The following SERPINB8 variants were observed in gnomAD, a reference collection of about 807,000 sequenced individuals.
SERPINB8 encodes serpin family B member 8, also known as serpin B8.
A neutral mutation model predicts 35.3 loss-of-function variants in SERPINB8; 25 were observed. The ratio of observed to expected loss-of-function variants is 0.71; its 90% confidence interval spans 0.52 to 0.99. SERPINB8 has a LOEUF of 0.99. Ranked by LOEUF, SERPINB8 falls within the 50% of genes least tolerant of loss-of-function variation. The probability of loss-of-function intolerance (pLI) is 0.00; values close to 1 mark genes in which losing one functional copy is unlikely to be tolerated. For synonymous variants in SERPINB8, 186 were observed against 160.8 expected (o/e 1.16, Z -1.19); for missense variants, 484 against 446.5 (o/e 1.08, Z -0.76).
intron 7 of SERPINB8, among the ~76,000 whole-genome samples, chr18:64,017,186 G>A (rs926718101): frequency 1.4e-4 from 21 of 152,138 alleles, no homozygotes; most frequent in Non-Finnish European, 2.6e-4. Context: ...GGTGACGTGA[G>A]GACATTTGAG....
chr18:63,986,942 G>A lies in SERPINB8; in HGVS notation c.789G>A (p.Lys263=), dbSNP rs779631062. 5 of 1,613,968 alleles carry A rather than the reference G, an allele frequency of 3.1e-6. No homozygotes were observed. The African/African-American group carries it at 6.7e-5, about 22-fold the overall frequency. ...ATTCAGAAAAGTTGACAAAAAGTAA[G>A]GTTCAAGTTTTCCTTCCCAGATTAA... ...WTNSEKLTKS[K]VQVFLPRLKL... is the part of the protein sequence containing the mutation. The change falls in exon 7 of 7, where the codon AAG becomes AAA. Residue 263 remains lysine, a synonymous_variant. Coordinates refer to ENST00000397985, the MANE Select transcript of SERPINB8 (RefSeq NM_002640.4).
downstream of SERPINB8, among the ~76,000 whole-genome samples, chr18:63,992,857 C>T (rs761416868): frequency 9.9e-5 from 15 of 151,762 alleles, no homozygotes; most frequent in Non-Finnish European, 1.5e-4. Flanking sequence ...GGGTGATTGT[C>T]GGGTAATTGT....
downstream of SERPINB8, among the ~76,000 whole-genome samples, chr18:63,993,937 G>A (rs140242273): frequency 3.9e-5 from 6 of 152,236 alleles, no homozygotes; most frequent in African/African-American, 7.2e-5. Flanking sequence ...AGAGGCCTTC[G>A]CTGAGACACT....
At chr18:64,018,780 C>T (rs1000401719) in intron 7 of SERPINB8, 17 of 152,214 alleles carry the variant, frequency 1.1e-4, no homozygotes, top group Admixed American at 4.6e-4. Context: ...GTTTATTAGA[C>T]ACACCTTGAT....
At chr18:63,995,125 G>A (rs1320874361) in intron 1 of SERPINB8, among the ~76,000 whole-genome samples, 1 of 152,140 alleles carries the variant, frequency 6.6e-6, no homozygotes. Flanking sequence ...AGCTCACGAG[G>A]GTTTGCATGG....
intron 1 of SERPINB8, among the ~76,000 whole-genome samples, chr18:64,001,541 A>T (rs2050875075): frequency 6.6e-6 from 1 of 151,844 alleles, no homozygotes; most frequent in African/African-American, 2.4e-5. Flanking sequence ...CCCAGGCTGG[A>T]GTGCAATGGA....
Position 63,978,408 on chromosome 18 carries a change from A to G in SERPINB8, c.100A>G (p.Ser34Gly). The change falls in exon 2 of 7, where the codon AGC (serine) becomes GGC (glycine). Residue 34 changes from serine to glycine, a missense_variant. Coordinates refer to ENST00000397985, the MANE Select transcript of SERPINB8 (RefSeq NM_002640.4). ...NSRNVFFSPMSISSALAMVFM... is the reference protein window; with the variant it reads ...NSRNVFFSPMGISSALAMVFM... ...AAGAAACGTATTCTTCTCTCCCATG[A>G]GCATCTCCTCTGCCCTGGCCATGGT... The G allele has an allele frequency of 6.2e-7, 1 of 1,614,180 alleles. No individual in the cohort carries two copies. The highest frequency in any genetic ancestry group is 8.5e-7 in the Non-Finnish European group (1 of 1,180,020).
rs989062128 is a variant in SERPINB8 at position 63,989,020 on chromosome 18, C to T, written c.*1742C>T. On this transcript the variant is annotated 3_prime_UTR_variant, in exon 7 of 7. Transcript: ENST00000397985. ...TCCTTCTTGCATCTTTGTAATTTCT[C>T]ACTCTTCCTTCTCCCTCTCCCCGTC... is the stretch of plus-strand genomic sequence containing the variant. The T allele has an allele frequency of 1.3e-5, 2 of 152,210 alleles. No individual in the cohort carries two copies. The highest frequency in any genetic ancestry group is 4.8e-5 in the African/African-American group (2 of 41,460). 9.4% of individuals were successfully genotyped at this position (152,210 alleles called of 1,614,324 possible).
chr18:63,972,048 A>C (rs1364241366), intron 1 of SERPINB8, among the ~76,000 whole-genome samples: 2 of 152,050 alleles, frequency 1.3e-5, no homozygotes, highest in Non-Finnish European at 2.9e-5. Context: ...CTATTGAATA[A>C]ATACAAAAGA....
chr18:63,976,906 T>C (rs1262878912), intron 1 of SERPINB8, among the ~76,000 whole-genome samples: 2 of 151,090 alleles, frequency 1.3e-5, no homozygotes, highest in East Asian at 1.9e-4. Flanking sequence ...CTTTAAAAAG[T>C]AATTTTTTTT....
rs767761936 is a variant in SERPINB8, at chr18:63,989,362, A to C, written c.*2084A>C. ...TATTGAAAATAAAGTTTTTATGAAT[A>C]TTTATATATATACATCTTTGTATGG... On this transcript the variant is annotated 3_prime_UTR_variant, in exon 7 of 7. Transcript: ENST00000397985. 2.6e-5 allele frequency: 4 copies of C among 152,156 alleles called. No homozygotes were observed. Among genetic ancestry groups the C allele is most frequent in the Non-Finnish European group, 5.9e-5 (4 of 68,030 alleles). 9.4% of individuals were successfully genotyped at this position (152,156 alleles called of 1,614,324 possible).
At chr18:63,970,985 C>T (rs1030306727) in intron 1 of SERPINB8, among the ~76,000 whole-genome samples, 1 of 152,154 alleles carries the variant, frequency 6.6e-6, no homozygotes, top group African/African-American at 2.4e-5. Context: ...CTGCTTCACT[C>T]CTGAGACCTC....
chr18:63,981,913 AGGGTGT>A, intron 4 of SERPINB8, 75 bp downstream of exon 4: 1 of 1,057,868 alleles, frequency 9.5e-7, no homozygotes, highest in Non-Finnish European at 1.4e-6. Flanking sequence ...GGGACTTCCC[AGGGTGT>A]TGCCACTGTG....
intron 1 of SERPINB8, among the ~76,000 whole-genome samples, chr18:63,972,735 T>C (rs554003665): frequency 3.4e-5 from 5 of 147,056 alleles, no homozygotes; most frequent in African/African-American, 7.5e-5. Context: ...TGAGAACATG[T>C]GGTGTTTGGG....
In SERPINB8 at chr18:64,015,605, T is replaced by C. The variant is rs1384502038; in HGVS notation, c.*3-3305T>C. 5.6e-4 allele frequency among the ~76,000 whole-genome samples: 86 copies of C among 152,236 alleles called. 1 individual carries two copies. Among genetic ancestry groups the C allele is most frequent in the Admixed American group, 5.6e-3 (86 of 15,292 alleles). On this transcript the variant is annotated intron_variant, in intron 7 of 7. Coordinates refer to the SERPINB8 transcript ENST00000636430. ...TAACTTCACTCTGGTGTGCTTGTTA[T>C]GTCGATACCTTTTTCATTTCAGTTA...
chr18:64,017,932 A>G (rs1309673157), intron 7 of SERPINB8, among the ~76,000 whole-genome samples: 1 of 152,344 alleles, frequency 6.6e-6, no homozygotes, highest in South Asian at 2.1e-4. Context: ...TAATAATTTT[A>G]AAACTCCACC....
At chr18:63,980,597 G>C (rs1029167048) in intron 3 of SERPINB8, among the ~76,000 whole-genome samples, 6 of 152,180 alleles carry the variant, frequency 3.9e-5, no homozygotes. Flanking sequence ...CCCTGTCCTG[G>C]TAGCTGCTGG....
chr18:63,994,351 C>T (rs1003355599), downstream of SERPINB8, among the ~76,000 whole-genome samples: 1 of 152,142 alleles, frequency 6.6e-6, no homozygotes, highest in African/African-American at 2.4e-5. Context: ...CTCTCTCTCT[C>T]TCTCTCAATT....
downstream of SERPINB8, among the ~76,000 whole-genome samples, chr18:63,992,173 C>G (rs1196249354): frequency 6.6e-6 from 1 of 152,098 alleles, no homozygotes; most frequent in Non-Finnish European, 1.5e-5. Context: ...ACATACCTAC[C>G]TTTGCAATTT....
Sources: allele counts gnomAD v4.1 joint callset (sites outside exome capture counted in the v4.1 genomes callset), GRCh38; gene constraint gnomAD v4.1.1; transcripts MANE v1.5; gene names NCBI Gene and HGNC (gene_info 2026-07-23, HGNC 2026-07-21).